The following SMAD3 variants were observed in gnomAD, a reference collection of about 807,000 sequenced individuals.
SMAD3 encodes the protein MAD homolog 3.
SMAD3 carries 12 observed loss-of-function variants against 51.8 expected under a neutral mutation model. The observed-to-expected ratio is 0.23, with a 90% CI of 0.15 to 0.38. The LOEUF (loss-of-function observed/expected upper bound fraction) is 0.38. Ranked by LOEUF, SMAD3 falls within the 10% of genes least tolerant of loss-of-function variation. The pLI, the probability that SMAD3 is intolerant of heterozygous loss-of-function variation, is 1.00. For synonymous variants in SMAD3, 238 were observed against 227.7 expected (o/e 1.05, Z -0.41); for missense variants, 294 against 565.6 (o/e 0.52, Z 4.87).
chr15:67,152,238 G>A (rs1962166402), intron 1 of SMAD3, among the ~76,000 whole-genome samples: 1 of 152,012 alleles, frequency 6.6e-6, no homozygotes, highest in South Asian at 2.1e-4. Context: ...ACTCATTTTT[G>A]TTTCCACCAA....
At chr15:67,154,931 G>A (rs191881397) in intron 1 of SMAD3, among the ~76,000 whole-genome samples, 77 of 152,254 alleles carry the variant, frequency 5.1e-4, no homozygotes, top group African/African-American at 1.6e-3. Context: ...GCAAGTAGAC[G>A]CACATGTGTT....
At chr15:67,100,354 C>T (rs965279179) in intron 1 of SMAD3, among the ~76,000 whole-genome samples, 3 of 151,820 alleles carry the variant, frequency 2.0e-5, no homozygotes, top group Admixed American at 2.0e-4. Flanking sequence ...TTAGTAGTTG[C>T]CAGGGATGGA....
chr15:67,073,116 G>GT (rs1277168039), intron 1 of SMAD3, among the ~76,000 whole-genome samples: 2 of 130,674 alleles, frequency 1.5e-5, no homozygotes, highest in African/African-American at 2.7e-5. Flanking sequence ...TGTAAATACT[G>GT]TTTTTTTGGT....
intron 1 of SMAD3, among the ~76,000 whole-genome samples, chr15:67,068,555 A>G (rs1959980148): frequency 6.6e-6 from 1 of 152,190 alleles, no homozygotes; most frequent in Non-Finnish European, 1.5e-5. Context: ...GTTCAAGCCA[A>G]CCTGCCCTGT....
chr15:67,075,658 T>TGG (rs1960151569), intron 1 of SMAD3, among the ~76,000 whole-genome samples: 1 of 152,184 alleles, frequency 6.6e-6, no homozygotes, highest in Non-Finnish European at 1.5e-5. Context: ...CTCATGCCTA[T>TGG]AATCCCAGCA....
intron 6 of SMAD3, among the ~76,000 whole-genome samples, chr15:67,182,197 C>G (rs1963079572): frequency 6.6e-6 from 1 of 152,168 alleles, no homozygotes; most frequent in Non-Finnish European, 1.5e-5. Context: ...TTATTCTAAA[C>G]AATTTAGAAA....
chr15:67,177,422 G>GTTTTGTTCTTTTTTTTTTTT (rs542708691), intron 5 of SMAD3, among the ~76,000 whole-genome samples: 1 of 93,874 alleles, frequency 1.1e-5, no homozygotes, highest in African/African-American at 3.9e-5. Context: ...AGTGTTTTGG[G>GTTTTGTTCTTTTTTTTTTTT]TTTTTTTTTT....
At chr15:67,072,985 A>G (rs1960089475) in intron 1 of SMAD3, among the ~76,000 whole-genome samples, 2 of 152,364 alleles carry the variant, frequency 1.3e-5, no homozygotes, top group Admixed American at 1.3e-4. Flanking sequence ...TAATGCGGAC[A>G]AAATAGTGAA....
chr15:67,136,328 CTTT>C (rs11355676), intron 1 of SMAD3, among the ~76,000 whole-genome samples: 5 of 137,146 alleles, frequency 3.6e-5, no homozygotes, highest in African/African-American at 5.5e-5. Context: ...GTCAGTCATT[CTTT>C]TTTTTTTTTT....
rs566196282 is a variant in SMAD3 at position 67,099,035 on chromosome 15, A to G, written c.206+32675A>G. The G allele has an allele frequency of 1.4e-3, 887 of 646,290 alleles. 7 individuals carry two copies. The highest frequency in any genetic ancestry group is 9.3e-3 in the South Asian group (607 of 65,010). 40.0% of individuals were successfully genotyped at this position (646,290 alleles called of 1,614,324 possible). A position where few individuals can be genotyped will look rare whatever the true frequency, so the allele number is the denominator to read the frequency against. On this transcript the variant is annotated intron_variant, in intron 1 of 8. Transcript: ENST00000327367. ...GCGAGGATCAACTCTGTGAGTACCC[A>G]TGATAATTCTCCTTTCTGTGGTTGC...
Position 67,165,144 on chromosome 15 carries a change from C to T in SMAD3, c.400+56C>T, listed in dbSNP as rs897142925. ...CAGGTGCCAGGGGTCATCACCTCTCCCCGGCTCCCCATCCCCCCGAGGGTC... is the reference window on the plus strand; with the variant it reads ...CAGGTGCCAGGGGTCATCACCTCTCTCCGGCTCCCCATCCCCCCGAGGGTC... On this transcript the variant is annotated intron_variant, in intron 2 of 8. Coordinates refer to ENST00000327367, the MANE Select transcript of SMAD3 (RefSeq NM_005902.4). 1.2e-5 allele frequency: 20 copies of T among 1,611,168 alleles called. No homozygotes were observed. In the African/African-American group the frequency reaches 2.7e-4, roughly 22 times the overall value.
At chr15:67,084,793 C>CGGCT (rs1720388575) in intron 1 of SMAD3, among the ~76,000 whole-genome samples, 1 of 152,274 alleles carries the variant, frequency 6.6e-6, no homozygotes, top group South Asian at 2.1e-4. Flanking sequence ...TTCTAGGCAC[C>CGGCT]GGCTGCATTC....
intron 6 of SMAD3, among the ~76,000 whole-genome samples, chr15:67,183,011 ATATATATATATATATATATAT>A (rs1567000698): frequency 7.3e-5 from 5 of 68,918 alleles, no homozygotes; most frequent in Non-Finnish European, 1.3e-4. Context: ...ATATATATAT[ATATATATATATATATATATAT>A]TTTTTTTTTT....
At chr15:67,117,292 C>T (rs1961156933) in intron 1 of SMAD3, among the ~76,000 whole-genome samples, 1 of 152,214 alleles carries the variant, frequency 6.6e-6, no homozygotes, top group Non-Finnish European at 1.5e-5. Flanking sequence ...GTGGGCCTCA[C>T]TCAAATGATG....
At chr15:67,144,030 A>C (rs1961906352) in intron 1 of SMAD3, among the ~76,000 whole-genome samples, 1 of 151,790 alleles carries the variant, frequency 6.6e-6, no homozygotes, top group African/African-American at 2.4e-5. Flanking sequence ...CACATATTTA[A>C]TGTGTACAAT....
At chr15:67,123,052 G>A (rs1187578866) in intron 1 of SMAD3, among the ~76,000 whole-genome samples, 1 of 151,802 alleles carries the variant, frequency 6.6e-6, no homozygotes. Flanking sequence ...AAAAATATTA[G>A]CTGGGCATGG....
intron 1 of SMAD3, among the ~76,000 whole-genome samples, chr15:67,085,478 C>G (rs1177252946): frequency 1.3e-5 from 2 of 152,208 alleles, no homozygotes; most frequent in Non-Finnish European, 1.5e-5. Flanking sequence ...TGAATAGTTT[C>G]AGAATCACTG....
chr15:67,136,226 C>T (rs562107256), intron 1 of SMAD3, among the ~76,000 whole-genome samples: 163 of 152,306 alleles, frequency 1.1e-3, no homozygotes, highest in African/African-American at 3.7e-3. Flanking sequence ...TTGGAACTTT[C>T]AACCCTGCAT....
chr15:67,066,663 C>A (rs1453111879), intron 1 of SMAD3, among the ~76,000 whole-genome samples: 1 of 152,214 alleles, frequency 6.6e-6, no homozygotes, highest in Non-Finnish European at 1.5e-5. Context: ...GACTCGGCCG[C>A]CCCCACTCCG....
Sources: gnomAD v4.1 joint callset for allele counts (sites outside exome capture counted in the v4.1 genomes callset) on GRCh38, gnomAD v4.1.1 for gene constraint, MANE v1.5 for transcripts, NCBI Gene and HGNC (gene_info 2026-07-23, HGNC 2026-07-21) for gene names.